The following WDR72 variants were observed in gnomAD, a reference collection of about 807,000 sequenced individuals.
WDR72 encodes the protein WD repeat domain 72.
A neutral mutation model predicts 124.2 loss-of-function variants in WDR72; 120 were observed. The observed-to-expected ratio is 0.97, with a 90% CI of 0.83 to 1.12. The LOEUF is 1.12. Among genes scored for constraint, WDR72 ranks in the 50% most tolerant of loss-of-function variants. WDR72 has a pLI of 0.00. For synonymous variants in WDR72, 452 were observed against 441.7 expected (o/e 1.02, Z -0.29); for missense variants, 1,387 against 1,278.8 (o/e 1.08, Z -1.29).
chr15:53,583,050 T>A (rs148203390), intron 18 of WDR72, among the ~76,000 whole-genome samples: 2 of 151,954 alleles, frequency 1.3e-5, no homozygotes, highest in Non-Finnish European at 2.9e-5. Flanking sequence ...TTCCATCCTC[T>A]ACATAATGCC....
intron 14 of WDR72, among the ~76,000 whole-genome samples, chr15:53,634,663 T>C (rs2014558908): frequency 1.3e-5 from 2 of 152,142 alleles, no homozygotes; most frequent in Admixed American, 1.3e-4. Flanking sequence ...GAAAGTCCTT[T>C]AGACAATATT....
In WDR72 at chr15:53,730,700, G is replaced by A. The variant is rs796786702; in HGVS notation, c.153+2297C>T. Among the ~76,000 whole-genome samples the A allele has an allele frequency of 7.9e-5, 12 of 152,238 alleles. 1 individual carries two copies. Among genetic ancestry groups the A allele is most frequent in the African/African-American group, 2.9e-4 (12 of 41,558 alleles). On this transcript the variant is annotated intron_variant, in intron 2 of 19. Transcript: ENST00000360509. ...GCCCTACGGTGACTCAGTCAACCATGTAGTTACATCCTTTTTTACAGTCTC... is the reference window on the plus strand; with the variant it reads ...GCCCTACGGTGACTCAGTCAACCATATAGTTACATCCTTTTTTACAGTCTC...
chr15:53,633,944 C>CT (rs1261372256), intron 14 of WDR72, among the ~76,000 whole-genome samples: 1 of 151,990 alleles, frequency 6.6e-6, no homozygotes, highest in East Asian at 1.9e-4. Flanking sequence ...ATACATTGAA[C>CT]TTTTTTTAAA....
intron 1 of WDR72, among the ~76,000 whole-genome samples, chr15:53,756,002 C>T (rs1370872257): frequency 6.6e-6 from 1 of 152,064 alleles, no homozygotes; most frequent in Non-Finnish European, 1.5e-5. Flanking sequence ...GTACTGATAC[C>T]CTAAGGAGAA....
chr15:53,667,000 T>C (rs1401182987), intron 13 of WDR72, among the ~76,000 whole-genome samples: 2 of 152,198 alleles, frequency 1.3e-5, no homozygotes, highest in Non-Finnish European at 2.9e-5. Flanking sequence ...TAAATAAACA[T>C]CCTTATCATA....
At chr15:53,605,906 C>A (rs565349260) in intron 17 of WDR72, among the ~76,000 whole-genome samples, 1 of 152,212 alleles carries the variant, frequency 6.6e-6, no homozygotes, top group Non-Finnish European at 1.5e-5. Flanking sequence ...TTGCAAGAGT[C>A]TCTATTCTTC....
chr15:53,686,788 C>A (rs1452311768), intron 13 of WDR72, among the ~76,000 whole-genome samples: 1 of 150,346 alleles, frequency 6.7e-6, no homozygotes, highest in Non-Finnish European at 1.5e-5. Flanking sequence ...ACACCTATTC[C>A]AAAATTGACC....
intron 19 of WDR72, among the ~76,000 whole-genome samples, chr15:53,518,143 C>G (rs1377262736): frequency 6.6e-6 from 1 of 151,652 alleles, no homozygotes; most frequent in Admixed American, 6.6e-5. Flanking sequence ...TTAGAAAAAT[C>G]CACAACTGCA....
chr15:53,540,667 C>A (rs540834251), intron 18 of WDR72, among the ~76,000 whole-genome samples: 3 of 152,018 alleles, frequency 2.0e-5, no homozygotes, highest in Non-Finnish European at 1.5e-5. Context: ...CGAACAGCTC[C>A]GGTCTACAGC....
At chr15:53,663,927 A>C (rs1186903270) in intron 14 of WDR72, among the ~76,000 whole-genome samples, 2 of 151,746 alleles carry the variant, frequency 1.3e-5, no homozygotes, top group Admixed American at 1.3e-4. Context: ...TCAAGTTAAG[A>C]ATAGGAAAAA....
upstream of WDR72, among the ~76,000 whole-genome samples, chr15:53,762,309 C>G (rs1395141869): frequency 6.6e-6 from 1 of 152,182 alleles, no homozygotes; most frequent in African/African-American, 2.4e-5. Flanking sequence ...CATTTCCATT[C>G]TGGATTCTCA....
intron 18 of WDR72, among the ~76,000 whole-genome samples, chr15:53,576,687 G>A (rs1388185014): frequency 6.6e-6 from 1 of 151,972 alleles, no homozygotes; most frequent in East Asian, 1.9e-4. Flanking sequence ...GATTCCTATG[G>A]GAACCTAGGG....
intron 6 of WDR72, 134 bp downstream of exon 6, chr15:53,714,300 T>C (rs544905284): frequency 1.0e-5 from 8 of 763,342 alleles, no homozygotes; most frequent in East Asian, 2.7e-5. Flanking sequence ...GGGGGAAATA[T>C]ATGGAAGTAG....
intron 1 of WDR72, among the ~76,000 whole-genome samples, chr15:53,733,537 C>G (rs181143758): frequency 6.6e-6 from 1 of 152,118 alleles, no homozygotes; most frequent in Non-Finnish European, 1.5e-5. Flanking sequence ...GCCAGCTTTG[C>G]AGACTCTCTC....
chr15:53,605,079 G>T (rs2013218087), intron 17 of WDR72, among the ~76,000 whole-genome samples: 1 of 152,244 alleles, frequency 6.6e-6, no homozygotes, highest in African/African-American at 2.4e-5. Flanking sequence ...CAAAGACATG[G>T]AATAAACCTA....
chr15:53,577,121 G>C (rs2011658560), intron 18 of WDR72, among the ~76,000 whole-genome samples: 1 of 152,110 alleles, frequency 6.6e-6, no homozygotes, highest in Non-Finnish European at 1.5e-5. Context: ...TCATGGGTGT[G>C]CTACCTGTTC....
At chr15:53,672,908 T>C (rs746717405) in intron 13 of WDR72, among the ~76,000 whole-genome samples, 4 of 152,144 alleles carry the variant, frequency 2.6e-5, no homozygotes, top group Non-Finnish European at 5.9e-5. Context: ...GGCGGGCTAA[T>C]CCCTTGGGCT....
intron 17 of WDR72, among the ~76,000 whole-genome samples, chr15:53,600,619 T>C (rs1465556978): frequency 6.6e-6 from 1 of 152,160 alleles, no homozygotes; most frequent in Non-Finnish European, 1.5e-5. Context: ...AGCAAAATAC[T>C]GTAAAATAGC....
At chr15:53,589,249 G>A (rs1269153447) in intron 18 of WDR72, among the ~76,000 whole-genome samples, 1 of 151,642 alleles carries the variant, frequency 6.6e-6, no homozygotes, top group Non-Finnish European at 1.5e-5. Context: ...ACATCTCATG[G>A]TCCTAGGATG....
Sources: allele counts gnomAD v4.1 joint callset (sites outside exome capture counted in the v4.1 genomes callset), GRCh38; gene constraint gnomAD v4.1.1; transcripts MANE v1.5; gene names NCBI Gene and HGNC (gene_info 2026-07-23, HGNC 2026-07-21).